Variants in FAR2 observed in about 807,000 individuals in gnomAD.
FAR2 encodes epididymis secretory protein Li 81.
A neutral mutation model predicts 56.0 loss-of-function variants in FAR2; 19 were observed. That is an observed-to-expected ratio of 0.34 (90% CI 0.24 to 0.50). FAR2 has a LOEUF of 0.50. Ranked by LOEUF, FAR2 falls within the 20% of genes least tolerant of loss-of-function variation. FAR2 has a pLI of 0.98. For synonymous variants in FAR2, 219 were observed against 218.8 expected (o/e 1.00, Z -0.01); for missense variants, 508 against 642.2 (o/e 0.79, Z 2.26).
At chr12:29,258,683 A>C (rs1294796495) in intron 1 of FAR2, among the ~76,000 whole-genome samples, 1 of 152,266 alleles carries the variant, frequency 6.6e-6, no homozygotes, top group Non-Finnish European at 1.5e-5. Context: ...TCTGAAAATG[A>C]AATTGACTTG....
chr12:29,272,369 T>A (rs1207499929), intron 2 of FAR2, among the ~76,000 whole-genome samples: 1 of 152,214 alleles, frequency 6.6e-6, no homozygotes, highest in African/African-American at 2.4e-5. Context: ...GGCATCTTAT[T>A]TCAGTAAGGT....
At chr12:29,275,395 A>G (rs1247761687) in intron 2 of FAR2, among the ~76,000 whole-genome samples, 1 of 152,002 alleles carries the variant, frequency 6.6e-6, no homozygotes, top group Non-Finnish European at 1.5e-5. Context: ...TAAGGCAGGA[A>G]CCGGCCATCT....
At chr12:29,305,875 A>C (rs1465841382) in intron 4 of FAR2, among the ~76,000 whole-genome samples, 1 of 152,080 alleles carries the variant, frequency 6.6e-6, no homozygotes, top group Non-Finnish European at 1.5e-5. Context: ...TAAGGCCCCT[A>C]TCCCCCCAAA....
chr12:29,272,682 A>T (rs1038474832), intron 2 of FAR2, among the ~76,000 whole-genome samples: 8 of 152,042 alleles, frequency 5.3e-5, no homozygotes, highest in Non-Finnish European at 7.3e-5. Context: ...TGATGGAGAG[A>T]TGTTGTGATC....
chr12:29,230,091 T>G (rs1332201987), intron 1 of FAR2, among the ~76,000 whole-genome samples: 2 of 151,908 alleles, frequency 1.3e-5, no homozygotes, highest in African/African-American at 4.8e-5. Flanking sequence ...AATAAACAGA[T>G]GTCATAAACA....
intron 2 of FAR2, chr12:29,277,551 A>G (rs553702045): frequency 3.3e-5 from 5 of 152,216 alleles, no homozygotes; most frequent in Non-Finnish European, 5.9e-5. Flanking sequence ...TTCATAAGAA[A>G]CACATGTATA....
chr12:29,164,413 G>T (rs761249728), intron 1 of FAR2, among the ~76,000 whole-genome samples: 4 of 152,160 alleles, frequency 2.6e-5, no homozygotes, highest in Admixed American at 2.0e-4. Flanking sequence ...GTTCTCGGAT[G>T]AGCTAGCTTC....
intron 10 of FAR2, among the ~76,000 whole-genome samples, chr12:29,322,980 C>G (rs992830185): frequency 5.3e-5 from 8 of 152,194 alleles, no homozygotes; most frequent in Non-Finnish European, 7.3e-5. Context: ...GAGATGAACC[C>G]GGTACCTCAG....
At chr12:29,255,827 G>T (rs1420886822) in intron 1 of FAR2, among the ~76,000 whole-genome samples, 1 of 151,928 alleles carries the variant, frequency 6.6e-6, no homozygotes, top group Non-Finnish European at 1.5e-5. Context: ...TTTAAAGTAA[G>T]TATTATTAAA....
chr12:29,243,007 C>G (rs1466159020), intron 1 of FAR2, among the ~76,000 whole-genome samples: 1 of 152,172 alleles, frequency 6.6e-6, no homozygotes, highest in African/African-American at 2.4e-5. Context: ...CAGCCACCAT[C>G]ACTTAACATT....
chr12:29,273,053 C>T (rs1434027367), intron 2 of FAR2, among the ~76,000 whole-genome samples: 1 of 152,180 alleles, frequency 6.6e-6, no homozygotes, highest in African/African-American at 2.4e-5. Flanking sequence ...GGGCACCAGC[C>T]TGATGCCAGT....
At chr12:29,293,516 G>A (rs375412803) in intron 3 of FAR2, 41 bp downstream of exon 3, 2 of 1,325,936 alleles carry the variant, frequency 1.5e-6, no homozygotes, top group Non-Finnish European at 2.0e-6. Flanking sequence ...ATACATATGT[G>A]TGCATGTAAA....
chr12:29,177,661 A>G lies in FAR2; in HGVS notation c.-39+28254A>G, dbSNP rs1030433455. Among the ~76,000 whole-genome samples the G allele has an allele frequency of 2.0e-5, 3 of 152,326 alleles. No homozygotes were observed. The East Asian group carries it at 5.8e-4, about 29-fold the overall frequency. On this transcript the variant is annotated intron_variant, in intron 1 of 11. Coordinates refer to ENST00000536681, the MANE Select transcript of FAR2 (RefSeq NM_001271783.2). The stretch of plus-strand genomic sequence containing the variant: ...TACTCTGACACAGTACCTGAACTGT[A>G]GTCAAATTCACACATTCACAGATCT...
intron 4 of FAR2, among the ~76,000 whole-genome samples, chr12:29,304,560 T>G (rs190087093): frequency 1.4e-4 from 21 of 152,326 alleles, no homozygotes; most frequent in Non-Finnish European, 1.2e-4. Context: ...CTTGCCCACT[T>G]GTTGCATAAG....
At chr12:29,310,091 C>A (rs1172715421) in intron 6 of FAR2, among the ~76,000 whole-genome samples, 4 of 152,094 alleles carry the variant, frequency 2.6e-5, no homozygotes, top group African/African-American at 9.7e-5. Flanking sequence ...TTCTAGCAGC[C>A]CCTTTCTTTC....
chr12:29,269,807 A>G lies in FAR2; in HGVS notation c.-38-605A>G, dbSNP rs369353397. 2.8e-4 allele frequency among the ~76,000 whole-genome samples: 43 copies of G among 152,206 alleles called. 2 individuals carry two copies. In the South Asian group the frequency reaches 8.9e-3, roughly 32 times the overall value. Reference sequence around the variant, plus strand: ...TTCTCTAAATAAATCTGAAACTCAAACTCTAATTACATCATAATTTTAAAA... The same window carrying G: ...TTCTCTAAATAAATCTGAAACTCAAGCTCTAATTACATCATAATTTTAAAA... On this transcript the variant is annotated intron_variant, in intron 1 of 11. Transcript: ENST00000536681.
chr12:29,250,410 G>C (rs909714159), intron 1 of FAR2, among the ~76,000 whole-genome samples: 12 of 152,148 alleles, frequency 7.9e-5, no homozygotes, highest in Non-Finnish European at 1.6e-4. Flanking sequence ...CTGAATCTCA[G>C]ATCTTTAGAG....
intron 2 of FAR2, among the ~76,000 whole-genome samples, chr12:29,272,564 T>C (rs1948637000): frequency 6.6e-6 from 1 of 152,200 alleles, no homozygotes; most frequent in Admixed American, 6.5e-5. Flanking sequence ...CTTCTTTGCT[T>C]TAGGTTAGAA....
chr12:29,329,279 T>C (rs942521687), intron 10 of FAR2, among the ~76,000 whole-genome samples: 1 of 152,220 alleles, frequency 6.6e-6, no homozygotes, highest in Non-Finnish European at 1.5e-5. Context: ...TTAAACTCTA[T>C]GTAGGCTTAT....
Sources: allele counts gnomAD v4.1 joint callset (sites outside exome capture counted in the v4.1 genomes callset), GRCh38; gene constraint gnomAD v4.1.1; transcripts MANE v1.5; gene names NCBI Gene and HGNC (gene_info 2026-07-23, HGNC 2026-07-21).